ZNF407: variants seen among roughly 807,000 people sequenced by gnomAD.
The protein encoded by ZNF407 is zinc finger protein 407.
In ZNF407, 17 loss-of-function variants were observed where a neutral mutation model predicts 131.2. The observed-to-expected ratio is 0.13, with a 90% CI of 0.09 to 0.19. The LOEUF (loss-of-function observed/expected upper bound fraction) is 0.19. Ranked by LOEUF, ZNF407 falls within the 10% of genes least tolerant of loss-of-function variation. The probability of loss-of-function intolerance (pLI) is 1.00; values close to 1 mark genes in which losing one functional copy is unlikely to be tolerated. For missense variants in ZNF407, 2,681 were observed against 2,830.6 expected, an observed-to-expected ratio of 0.95 and a Z score of 1.20; for synonymous variants, 1,156 against 1,062.0, an observed-to-expected ratio of 1.09 and a Z score of -1.72.
At chr18:74,917,330 C>T (rs1468840873) in intron 7 of ZNF407, among the ~76,000 whole-genome samples, 1 of 152,062 alleles carries the variant, frequency 6.6e-6, no homozygotes, top group East Asian at 1.9e-4. Context: ...TATACATACA[C>T]ATATGTATAA....
intron 3 of ZNF407, among the ~76,000 whole-genome samples, chr18:74,675,777 C>T (rs1986331276): frequency 6.6e-6 from 1 of 152,192 alleles, no homozygotes; most frequent in South Asian, 2.1e-4. Context: ...CTTTTACCCT[C>T]TTTCCGACAA....
intron 8 of ZNF407, among the ~76,000 whole-genome samples, chr18:74,929,280 G>C (rs1325376496): frequency 2.0e-5 from 3 of 152,138 alleles, no homozygotes; most frequent in African/African-American, 7.2e-5. Context: ...GCTGCGCCAA[G>C]GTCACCCAGC....
intron 7 of ZNF407, among the ~76,000 whole-genome samples, chr18:74,913,534 G>A (rs1971703392): frequency 6.6e-6 from 1 of 152,110 alleles, no homozygotes; most frequent in Non-Finnish European, 1.5e-5. Context: ...GGAGTGGTGA[G>A]AAAAGAATAT....
chr18:74,714,280 G>A lies in ZNF407; in HGVS notation c.4803-67148G>A, dbSNP rs576784200. 2.4e-4 allele frequency among the ~76,000 whole-genome samples: 36 copies of A among 152,316 alleles called. No homozygotes were observed. In the South Asian group the frequency reaches 6.0e-3, roughly 25 times the overall value. ...CAGCAAAGTCACTTCTTATAAGTCT[G>A]TGGTCACAGTATGTTTTTTGCAGTT... On this transcript the variant is annotated intron_variant, in intron 3 of 8. Transcript: ENST00000299687.
intron 1 of ZNF407, among the ~76,000 whole-genome samples, chr18:74,623,222 G>A (rs1468790135): frequency 1.3e-5 from 2 of 151,998 alleles, no homozygotes; most frequent in African/African-American, 2.4e-5. Flanking sequence ...GTGACTGCGT[G>A]TGTGAGTGCG....
chr18:74,803,926 TG>T, intron 4 of ZNF407: 1 of 1,548,796 alleles, frequency 6.5e-7, no homozygotes, highest in Non-Finnish European at 8.7e-7. Context: ...CTTGAAAACA[TG>T]AAGCAATTTA....
chr18:74,978,570 A>G (rs1300514914), intron 8 of ZNF407, among the ~76,000 whole-genome samples: 2 of 151,944 alleles, frequency 1.3e-5, no homozygotes, highest in African/African-American at 2.4e-5. Context: ...CGGGTTGCAG[A>G]TGACTTCCAG....
intron 1 of ZNF407, among the ~76,000 whole-genome samples, chr18:74,607,032 C>G (rs544111625): frequency 6.6e-6 from 1 of 152,142 alleles, no homozygotes; most frequent in Non-Finnish European, 1.5e-5. Flanking sequence ...GACTCCTCAT[C>G]GTCTACTAGG....
At chr18:74,863,229 T>C (rs1970963041) in intron 4 of ZNF407, among the ~76,000 whole-genome samples, 1 of 151,254 alleles carries the variant, frequency 6.6e-6, no homozygotes, top group Non-Finnish European at 1.5e-5. Context: ...CTCACTTGGG[T>C]TTTTTTTCTA....
At chr18:74,813,419 C>A (rs1405235038) in intron 4 of ZNF407, among the ~76,000 whole-genome samples, 3 of 152,144 alleles carry the variant, frequency 2.0e-5, no homozygotes, top group African/African-American at 7.2e-5. Context: ...GGGAATTTGT[C>A]TTCATGATGC....
intron 1 of ZNF407, among the ~76,000 whole-genome samples, chr18:74,616,921 GCACCA>G (rs1983321031): frequency 4.0e-4 from 1 of 2,520 alleles, no homozygotes. Flanking sequence ...CCATATCCAC[GCACCA>G]TACACATCCA....
intron 8 of ZNF407, among the ~76,000 whole-genome samples, chr18:74,928,123 A>G (rs903195070): frequency 6.6e-6 from 1 of 152,120 alleles, no homozygotes; most frequent in Non-Finnish European, 1.5e-5. Flanking sequence ...AGCTTGGTTT[A>G]TATATTTTAG....
intron 4 of ZNF407, among the ~76,000 whole-genome samples, chr18:74,805,279 A>AT (rs1254562049): frequency 6.6e-6 from 1 of 152,184 alleles, no homozygotes; most frequent in African/African-American, 2.4e-5. Context: ...CTTTGATTGC[A>AT]TTTTTAAGAT....
chr18:74,781,830 CT>C (rs1969609193), intron 4 of ZNF407, among the ~76,000 whole-genome samples: 1 of 152,080 alleles, frequency 6.6e-6, no homozygotes, highest in Non-Finnish European at 1.5e-5. Flanking sequence ...TAAAACTCAA[CT>C]TTGTTTTATT....
At chr18:74,932,832 A>G (rs1331549108) in intron 8 of ZNF407, among the ~76,000 whole-genome samples, 7 of 152,244 alleles carry the variant, frequency 4.6e-5, no homozygotes, top group Non-Finnish European at 1.0e-4. Context: ...TTTAATAAAA[A>G]AAACCTACGA....
chr18:74,865,109 C>G (rs1460388385), intron 4 of ZNF407, among the ~76,000 whole-genome samples: 4 of 152,208 alleles, frequency 2.6e-5, no homozygotes, highest in African/African-American at 9.6e-5. Flanking sequence ...TCACCACTCA[C>G]CTGGGACTCT....
intron 1 of ZNF407, among the ~76,000 whole-genome samples, chr18:74,604,150 A>T (rs1371402304): frequency 6.6e-6 from 1 of 152,180 alleles, no homozygotes; most frequent in Non-Finnish European, 1.5e-5. Context: ...GGATGAAGAG[A>T]TAAGAGAGGT....
chr18:74,701,330 C>T (rs1350671533), intron 3 of ZNF407, among the ~76,000 whole-genome samples: 1 of 152,160 alleles, frequency 6.6e-6, no homozygotes, highest in Non-Finnish European at 1.5e-5. Flanking sequence ...AGCATCTCAT[C>T]GCAAAGAAAT....
At position 75,044,547 on chromosome 18, in the gene ZNF407, G is replaced by A. The variant is rs182326387; in HGVS notation, c.5429-18603G>A. ...GTTATGTCTTATTCCTCCAGTATTA[G>A]GAACAGCCCTAGGTAACGTTTCTGA... On this transcript the variant is annotated intron_variant, in intron 8 of 8. Coordinates refer to ENST00000299687, the MANE Select transcript of ZNF407 (RefSeq NM_017757.3). Among the ~76,000 whole-genome samples the A allele has an allele frequency of 4.9e-4, 75 of 152,184 alleles. 1 individual carries two copies. The East Asian group carries it at 0.014, about 28-fold the overall frequency.
Sources: allele counts gnomAD v4.1 joint callset (sites outside exome capture counted in the v4.1 genomes callset), GRCh38; gene constraint gnomAD v4.1.1; transcripts MANE v1.5; gene names NCBI Gene and HGNC (gene_info 2026-07-23, HGNC 2026-07-21).